Variants in OCIAD2 observed in about 807,000 individuals in gnomAD.
The protein encoded by OCIAD2 is OCIA domain containing 2, also known as OCIA domain-containing protein 2.
Under a neutral mutation model 22.9 loss-of-function variants are expected in OCIAD2, and 29 were observed. The observed-to-expected ratio is 1.27, with a 90% CI of 0.94 to 1.73. The LOEUF (loss-of-function observed/expected upper bound fraction) is 1.73, where lower values mean the gene tolerates loss of function less well. Ranked by LOEUF, OCIAD2 falls within the 40% of genes most tolerant of loss-of-function variation. The pLI, the probability that OCIAD2 is intolerant of heterozygous loss-of-function variation, is 0.00. For synonymous variants in OCIAD2, 67 were observed against 60.2 expected, an observed-to-expected ratio of 1.11 and a Z score of -0.52; for missense variants, 189 against 180.3, an observed-to-expected ratio of 1.05 and a Z score of -0.28.
At chr4:48,886,775 A>T (rs559629943) in intron 6 of OCIAD2, among the ~76,000 whole-genome samples, 2 of 151,900 alleles carry the variant, frequency 1.3e-5, no homozygotes, top group East Asian at 4.0e-4. Context: ...AGTCTTTGCT[A>T]TTGTGAATAG....
intron 2 of OCIAD2, among the ~76,000 whole-genome samples, chr4:48,903,724 C>A (rs1033819257): frequency 6.7e-6 from 1 of 149,860 alleles, no homozygotes; most frequent in African/African-American, 2.5e-5. Flanking sequence ...CGGCTCACTG[C>A]AAGCTCCGCC....
At position 48,897,866 on chromosome 4, in the gene OCIAD2, C is replaced by A. The variant is rs1781334970; in HGVS notation, c.164-9G>T. On this transcript the variant is annotated splice_polypyrimidine_tract_variant and intron_variant, in intron 3 of 6. Transcript: ENST00000508632. ...AAGAGAAAAAGGCAGAGCTGTAAAG[C>A]AAAAATGTCCTTCAATATTGGTATT... 7 of 1,607,358 alleles carry A rather than the reference C, an allele frequency of 4.4e-6. No homozygotes were observed. The highest frequency in any genetic ancestry group is 6.0e-6 in the Non-Finnish European group (7 of 1,174,948).
intron 6 of OCIAD2, among the ~76,000 whole-genome samples, chr4:48,890,216 T>G (rs1201575045): frequency 6.6e-6 from 1 of 151,640 alleles, no homozygotes; most frequent in Non-Finnish European, 1.5e-5. Context: ...GTAACAAACC[T>G]GCAATGTTGT....
In OCIAD2 at chr4:48,904,527, C is replaced by G; in HGVS notation, c.23G>C (p.Gly8Ala). 6.2e-7 allele frequency: 1 copy of G among 1,614,094 alleles called. No individual in the cohort carries two copies. MASASARGNQDKDAHFPP... is the reference protein window; with the variant it reads MASASARANQDKDAHFPP... ...AAAATGGGCATCTTTATCTTGGTTT[C>G]CACGAGCAGACGCTGAAGCCATGAT... is the stretch of plus-strand genomic sequence containing the variant. Residue 8 changes from glycine to alanine, a missense_variant, in exon 2 of 7, where the codon GGA becomes GCA. Gly to Ala is a moderately conservative substitution (Grantham distance 60). Coordinates refer to ENST00000508632, the MANE Select transcript of OCIAD2 (RefSeq NM_001014446.3).
chr4:48,894,479 C>T (rs1043090393), intron 4 of OCIAD2, among the ~76,000 whole-genome samples: 8 of 151,652 alleles, frequency 5.3e-5, no homozygotes, highest in African/African-American at 7.3e-5. Flanking sequence ...GGTGACAGAG[C>T]GAGACTCCAT....
chr4:48,899,027 G>A (rs1285311295), intron 3 of OCIAD2, among the ~76,000 whole-genome samples: 1 of 152,074 alleles, frequency 6.6e-6, no homozygotes, highest in African/African-American at 2.4e-5. Context: ...TGAATTTCTG[G>A]AAGCACAGTC....
rs772793875 is a variant in OCIAD2, at chr4:48,892,758, A to T, written c.383+14T>A. On this transcript the variant is annotated intron_variant, in intron 6 of 6. Transcript: ENST00000508632. ...TAATTACATTACAATCCCTCAACCA[A>T]ACAGATTACAAACCTGTTATGCTGT... 3 of 1,325,198 alleles carry T rather than the reference A, an allele frequency of 2.3e-6. No homozygotes were observed. Among genetic ancestry groups the T allele is most frequent in the Non-Finnish European group, 3.2e-6 (3 of 936,880 alleles). 82.1% of individuals were successfully genotyped at this position (1,325,198 alleles called of 1,614,324 possible). A position where few individuals can be genotyped will look rare whatever the true frequency, so the allele number is the denominator to read the frequency against.
At chr4:48,902,966 C>T (rs1211275299) in intron 2 of OCIAD2, among the ~76,000 whole-genome samples, 1 of 152,032 alleles carries the variant, frequency 6.6e-6, no homozygotes, top group African/African-American at 2.4e-5. Context: ...AAAAAAGGAT[C>T]TCTGGTTATC....
At chr4:48,900,158 G>A (rs149260691) in intron 2 of OCIAD2, among the ~76,000 whole-genome samples, 11 of 135,602 alleles carry the variant, frequency 8.1e-5, no homozygotes, top group East Asian at 3.9e-4. Flanking sequence ...ACTGACTGGC[G>A]CAGGCAGCAG....
intron 4 of OCIAD2, among the ~76,000 whole-genome samples, chr4:48,894,500 A>T (rs1411836367): frequency 6.6e-6 from 1 of 152,180 alleles, no homozygotes; most frequent in Non-Finnish European, 1.5e-5. Flanking sequence ...CTCAAAAAAA[A>T]AGATCTTAAA....
intron 4 of OCIAD2, among the ~76,000 whole-genome samples, chr4:48,894,630 AAAGACATC>A (rs2109674445): frequency 6.6e-6 from 1 of 152,362 alleles, no homozygotes; most frequent in South Asian, 2.1e-4. Flanking sequence ...AGACTGATTC[AAAGACATC>A]AAGCAAAGGT....
intron 6 of OCIAD2, among the ~76,000 whole-genome samples, chr4:48,886,502 T>C (rs7686885): frequency 0.94 from 127,424 of 135,386 alleles, 59,999 homozygotes; most frequent in East Asian, 1. Flanking sequence ...CCCCCCACCC[T>C]ACAACAGGCC....
intron 6 of OCIAD2, 118 bp from the exon 7 acceptor site, chr4:48,885,683 A>C: frequency 1.6e-6 from 1 of 633,276 alleles, no homozygotes; most frequent in Non-Finnish European, 2.8e-6. Context: ...ATGTGGGGGG[A>C]GTCTATCTAT....
chr4:48,899,897 A>T lies in OCIAD2; in HGVS notation c.95T>A (p.Leu32Gln). ...QSLLFCPKSK[L>Q]HIHRAEISKI... is the part of the protein sequence containing the mutation. The stretch of plus-strand genomic sequence containing the variant: ...TGAGATCTCTGCTCTGTGGATGTGC[A>T]GTTTTGATTTTGGACAAAACAACAG... Residue 32 changes from leucine (L) to glutamine (Q), a missense_variant, in exon 3 of 7, where the codon CTG (leucine) becomes CAG (glutamine). By Grantham distance (113) the Leu-to-Gln change is moderately radical (BLOSUM62 -2). Transcript: ENST00000508632. The T allele has an allele frequency of 6.2e-7, 1 of 1,613,866 alleles. No homozygotes were observed. The highest frequency in any genetic ancestry group is 1.1e-5 in the South Asian group (1 of 91,040).
At chr4:48,890,329 G>C (rs1353213840) in intron 6 of OCIAD2, among the ~76,000 whole-genome samples, 1 of 151,976 alleles carries the variant, frequency 6.6e-6, no homozygotes, top group African/African-American at 2.4e-5. Flanking sequence ...AGCCAATAAT[G>C]AGCTTTATGT....
At chr4:48,901,580 G>A (rs546520287) in intron 2 of OCIAD2, among the ~76,000 whole-genome samples, 4 of 152,110 alleles carry the variant, frequency 2.6e-5, no homozygotes, top group Non-Finnish European at 5.9e-5. Context: ...CTTTGATAAC[G>A]AATGTGTTTG....
At chr4:48,895,771 T>A (rs1217412641) in intron 4 of OCIAD2, among the ~76,000 whole-genome samples, 1 of 152,102 alleles carries the variant, frequency 6.6e-6, no homozygotes, top group South Asian at 2.1e-4. Context: ...CTCAGCACTT[T>A]GGGAGGCTGA....
chr4:48,897,757 A>AACTG, intron 4 of OCIAD2, 47 bp downstream of exon 4: 1 of 1,456,266 alleles, frequency 6.9e-7, no homozygotes, highest in Non-Finnish European at 9.6e-7. Flanking sequence ...GGTCACAGTA[A>AACTG]ACTGGGCTCT....
chr4:48,900,054 A>C (rs370757058), intron 2 of OCIAD2, 129 bp from the exon 3 acceptor site: 4 of 581,692 alleles, frequency 6.9e-6, no homozygotes, highest in East Asian at 3.1e-5. Flanking sequence ...GAGGCAGCCC[A>C]AAGCAATTAT....
Sources: gnomAD v4.1 joint callset for allele counts (sites outside exome capture counted in the v4.1 genomes callset) on GRCh38, gnomAD v4.1.1 for gene constraint, MANE v1.5 for transcripts, NCBI Gene and HGNC (gene_info 2026-07-23, HGNC 2026-07-21) for gene names.